ZNF638: variants seen among roughly 807,000 people sequenced by gnomAD.
The protein encoded by ZNF638 is CTCL tumor antigen se33-1.
A neutral mutation model predicts 195.6 loss-of-function variants in ZNF638; 46 were observed. The observed-to-expected ratio is 0.24, with a 90% CI of 0.19 to 0.30. ZNF638 has a LOEUF of 0.30. Ranked by LOEUF, ZNF638 falls within the 10% of genes least tolerant of loss-of-function variation. The pLI is 1.00. For synonymous variants in ZNF638, 845 were observed against 772.0 expected, an observed-to-expected ratio of 1.09 and a Z score of -1.57; for missense variants, 2,440 against 2,325.3, an observed-to-expected ratio of 1.05 and a Z score of -1.01.
At chr2:71,420,870 T>C (rs759438687) in intron 21 of ZNF638, among the ~76,000 whole-genome samples, 1 of 152,192 alleles carries the variant, frequency 6.6e-6, no homozygotes, top group Non-Finnish European at 1.5e-5. Context: ...AAGAAAACAC[T>C]ATGATTTGAA....
chr2:71,395,272 A>G (rs1384590737), intron 10 of ZNF638: 3 of 717,224 alleles, frequency 4.2e-6, no homozygotes, highest in East Asian at 5.4e-5. Flanking sequence ...TACGAGCAGT[A>G]ATCGCTACGC....
intron 22 of ZNF638, among the ~76,000 whole-genome samples, chr2:71,424,314 C>T (rs2080491104): frequency 6.6e-6 from 1 of 151,146 alleles, no homozygotes; most frequent in South Asian, 2.1e-4. Flanking sequence ...AAAAAGTCTG[C>T]AGTGAATCTC....
chr2:71,347,472 C>T (rs190831425), intron 1 of ZNF638, among the ~76,000 whole-genome samples: 78 of 152,252 alleles, frequency 5.1e-4, no homozygotes, highest in Non-Finnish European at 6.8e-4. Context: ...AGTAAAGTAA[C>T]GGATGAAATT....
At chr2:71,355,177 C>G (rs528001963) in intron 2 of ZNF638, among the ~76,000 whole-genome samples, 1 of 151,856 alleles carries the variant, frequency 6.6e-6, no homozygotes, top group South Asian at 2.1e-4. Context: ...ACAGTAGTGT[C>G]GATCTCCTGA....
At chr2:71,348,405 CCTT>C in intron 1 of ZNF638, 2 of 997,874 alleles carry the variant, frequency 2.0e-6, no homozygotes. Flanking sequence ...TATTTTAATG[CCTT>C]CATCTTTTTT....
chr2:71,434,658 A>G (rs917993404), intron 27 of ZNF638, 84 bp from the exon 28 acceptor site: 2 of 1,137,536 alleles, frequency 1.8e-6, no homozygotes, highest in Non-Finnish European at 2.5e-6. Context: ...TTTCTTTTAA[A>G]TTATAAATAT....
Position 71,426,632 on chromosome 2 carries a change from C to T in ZNF638, c.4763C>T (p.Thr1588Ile), listed in dbSNP as rs746261069. The T allele has an allele frequency of 1.6e-5, 26 of 1,614,052 alleles. No homozygotes were observed. In the South Asian group the frequency reaches 2.6e-4, roughly 16 times the overall value. ...NLKKKKGKTS[T>I]PRGVEGELSF... ...AAGAAGAAAAAGGGGAAAACTTCCA[C>T]TCCTCGTGGTGTTGAGGGAGAACTA... is the stretch of plus-strand genomic sequence containing the variant. The change falls in exon 24 of 28, where the codon ACT (threonine) becomes ATT (isoleucine). Residue 1588 changes from threonine to isoleucine, a missense_variant. Physicochemically the swap from Thr to Ile is moderately conservative, Grantham distance 89. Transcript: ENST00000264447.
intron 10 of ZNF638, among the ~76,000 whole-genome samples, chr2:71,387,660 CT>C (rs201314362): frequency 0.058 from 8,675 of 149,240 alleles, 950 homozygotes; most frequent in East Asian, 0.55. Flanking sequence ...GCAAGACTCT[CT>C]CAAAAAAAAA....
rs1165722575 is a variant in ZNF638, at chr2:71,403,875, T to C, written c.2835T>C (p.Tyr945=). Residue 945 remains tyrosine (Y), a synonymous_variant, in exon 17 of 28, where the codon TAT becomes TAC. Transcript: ENST00000264447. The part of the protein sequence containing the change: ...ILILSSHKKA[Y]IEINRKAAES... ...CTTAATTTCTGTTTTAAAAGGCATA[T>C]ATAGAAATAAATAGAAAAGCTGCTG... The C allele has an allele frequency of 1.3e-6, 2 of 1,566,310 alleles. No homozygotes were observed. Among genetic ancestry groups the C allele is most frequent in the Admixed American group, 3.7e-5 (2 of 54,152 alleles).
At chr2:71,366,252 T>C (rs1216572715) in intron 6 of ZNF638, among the ~76,000 whole-genome samples, 1 of 151,466 alleles carries the variant, frequency 6.6e-6, no homozygotes, top group Non-Finnish European at 1.5e-5. Context: ...TGGGAGGCCT[T>C]GGGAGGCTCA....
rs1180438832 is a variant in ZNF638, at chr2:71,402,157, A to G, written c.2829+70A>G. On this transcript the variant is annotated intron_variant, in intron 16 of 27. Coordinates refer to ENST00000264447, the MANE Select transcript of ZNF638 (RefSeq NM_014497.5). ...TGCTTTGAAAAACATTAAATTTACA[A>G]AACTAAAAAGAAAAGGTTTAAAAGC... The G allele has an allele frequency of 2.0e-6, 3 of 1,480,326 alleles. No homozygotes were observed. The African/African-American group carries it at 4.3e-5, about 21-fold the overall frequency. 91.7% of individuals were successfully genotyped at this position (1,480,326 alleles called of 1,614,324 possible).
chr2:71,363,810 CAG>C lies in ZNF638; in HGVS notation c.1419-142_1419-141del, dbSNP rs892091936. On this transcript the variant is annotated intron_variant, in intron 4 of 27. Coordinates refer to ENST00000264447, the MANE Select transcript of ZNF638 (RefSeq NM_014497.5). ...TAAGGCTGAATTACATCATAACAAA[CAG>C]ATTTTTGTTTTAAGTACATATCTTT... is the stretch of plus-strand genomic sequence containing the variant. 5.2e-6 allele frequency: 5 copies of C among 964,634 alleles called. No individual in the cohort carries two copies. The African/African-American group carries it at 6.6e-5, about 13-fold the overall frequency. The allele number at this position is 964,634 out of a possible 1,614,324, so 59.8% of individuals were successfully genotyped here.
chr2:71,380,650 T>A, intron 10 of ZNF638, 85 bp downstream of exon 10: 1 of 1,151,144 alleles, frequency 8.7e-7, no homozygotes, highest in Non-Finnish European at 1.2e-6. Context: ...ATGAAGACAC[T>A]ATTGTGCTTT....
rs149854424 is a variant in ZNF638 at position 71,392,772 on chromosome 2, G to T, written c.2378-3369G>T. ...CAAATTATCCTGCAGTGCCCAGATTGCCAGCTCACAGGCACATCTCTTCCT... is the reference window on the plus strand; with the variant it reads ...CAAATTATCCTGCAGTGCCCAGATTTCCAGCTCACAGGCACATCTCTTCCT... On this transcript the variant is annotated intron_variant, in intron 10 of 27. Coordinates refer to ENST00000264447, the MANE Select transcript of ZNF638 (RefSeq NM_014497.5). Among the ~76,000 whole-genome samples the T allele has an allele frequency of 3.8e-3, 580 of 151,888 alleles. 7 individuals carry two copies. Among genetic ancestry groups the T allele is most frequent in the African/African-American group, 0.013 (524 of 41,446 alleles).
At chr2:71,348,599 G>C (rs2078893616) in intron 1 of ZNF638, 154 bp from the exon 2 acceptor site, 2 of 1,204,420 alleles carry the variant, frequency 1.7e-6, no homozygotes, top group Non-Finnish European at 2.1e-6. Context: ...AAGTTTTTGG[G>C]AAATTTAAAT....
Position 71,375,083 on chromosome 2 carries a change from A to G in ZNF638, c.2265+5078A>G, listed in dbSNP as rs377223086. 6 of 151,802 alleles carry G rather than the reference A, an allele frequency of 4.0e-5. No homozygotes were observed. The South Asian group carries it at 8.3e-4, about 21-fold the overall frequency. 9.4% of individuals were successfully genotyped at this position (151,802 alleles called of 1,614,324 possible). On this transcript the variant is annotated intron_variant, in intron 8 of 27. Coordinates refer to ENST00000264447, the MANE Select transcript of ZNF638 (RefSeq NM_014497.5). Reference sequence around the variant, plus strand: ...CTATTAGAGAGGATCTTTATTTTTTAGTTCTCATATGTTTTCTAGTTAGTT... The same window carrying G: ...CTATTAGAGAGGATCTTTATTTTTTGGTTCTCATATGTTTTCTAGTTAGTT...
At chr2:71,332,427 G>C (rs529664394) in intron 1 of ZNF638, among the ~76,000 whole-genome samples, 1 of 152,202 alleles carries the variant, frequency 6.6e-6, no homozygotes. Context: ...AGGGGGTGTC[G>C]GGATGAAGGA....
intron 20 of ZNF638, among the ~76,000 whole-genome samples, chr2:71,410,710 G>A (rs1363970903): frequency 6.6e-6 from 1 of 152,114 alleles, no homozygotes; most frequent in African/African-American, 2.4e-5. Flanking sequence ...TTAATGTGGG[G>A]AATGTGTATC....
intron 10 of ZNF638, 196 bp from the exon 11 acceptor site, chr2:71,395,945 T>C (rs1013926037): frequency 6.6e-6 from 4 of 609,726 alleles, no homozygotes; most frequent in Admixed American, 3.1e-5. Flanking sequence ...TGTTAAAATT[T>C]AAATCTGTAT....
Sources: gnomAD v4.1 joint callset for allele counts (sites outside exome capture counted in the v4.1 genomes callset) on GRCh38, gnomAD v4.1.1 for gene constraint, MANE v1.5 for transcripts, NCBI Gene and HGNC (gene_info 2026-07-23, HGNC 2026-07-21) for gene names.